The following CSMD1 variants were observed in gnomAD, a reference collection of about 807,000 sequenced individuals.
CSMD1 encodes the protein CUB and sushi domain-containing protein 1.
Under a neutral mutation model 417.5 loss-of-function variants are expected in CSMD1, and 213 were observed. The ratio of observed to expected loss-of-function variants is 0.51; its 90% CI spans 0.46 to 0.57. CSMD1 has a LOEUF of 0.57. Among genes scored for constraint, CSMD1 ranks in the 20% least tolerant of loss-of-function variants. The pLI is 0.00. For synonymous variants in CSMD1, 2,862 were observed against 1,736.8 expected, an observed-to-expected ratio of 1.65 and a Z score of -16.11; for missense variants, 6,923 against 4,529.7, an observed-to-expected ratio of 1.53 and a Z score of -15.17.
intron 1 of CSMD1, among the ~76,000 whole-genome samples, chr8:4,697,453 A>G (rs1025973234): frequency 1.2e-4 from 19 of 152,196 alleles, no homozygotes; most frequent in African/African-American, 4.6e-4. Flanking sequence ...GGCAAGTTCA[A>G]TACGTAAAAA....
At chr8:3,448,666 G>C (rs959319296) in intron 12 of CSMD1, among the ~76,000 whole-genome samples, 2 of 152,104 alleles carry the variant, frequency 1.3e-5, no homozygotes, top group African/African-American at 4.8e-5. Context: ...TGGAGGCCAA[G>C]TGGGCATGAC....
chr8:4,106,675 T>G (rs1426088770), intron 3 of CSMD1, among the ~76,000 whole-genome samples: 1 of 152,160 alleles, frequency 6.6e-6, no homozygotes, highest in Admixed American at 6.5e-5. Context: ...AGTAAAACAT[T>G]TTCTTTATTT....
chr8:3,714,991 T>C (rs965442610), intron 6 of CSMD1, among the ~76,000 whole-genome samples: 2 of 152,202 alleles, frequency 1.3e-5, no homozygotes, highest in Non-Finnish European at 2.9e-5. Context: ...TATTTTCTAA[T>C]ATTAGAATTT....
intron 1 of CSMD1, among the ~76,000 whole-genome samples, chr8:4,714,558 C>G (rs183757697): frequency 6.6e-6 from 1 of 152,100 alleles, no homozygotes; most frequent in Non-Finnish European, 1.5e-5. Flanking sequence ...AAAGAGAAGT[C>G]GGAACTTTCC....
intron 5 of CSMD1, among the ~76,000 whole-genome samples, chr8:3,918,504 T>G (rs1448703606): frequency 6.6e-6 from 1 of 152,180 alleles, no homozygotes; most frequent in Non-Finnish European, 1.5e-5. Flanking sequence ...CAGATATATC[T>G]ACTTGGGTTA....
At chr8:4,040,540 T>C (rs902999666) in intron 3 of CSMD1, among the ~76,000 whole-genome samples, 3 of 152,210 alleles carry the variant, frequency 2.0e-5, no homozygotes, top group African/African-American at 4.8e-5. Flanking sequence ...GAGGTGATGA[T>C]AAAGTGTGAT....
At chr8:3,657,087 G>A (rs902753231) in intron 7 of CSMD1, among the ~76,000 whole-genome samples, 6 of 152,074 alleles carry the variant, frequency 3.9e-5, no homozygotes, top group African/African-American at 9.7e-5. Context: ...GTCCACTACC[G>A]AGTTGCTGCA....
At chr8:3,489,235 G>A (rs1191796893) in intron 11 of CSMD1, among the ~76,000 whole-genome samples, 4 of 152,144 alleles carry the variant, frequency 2.6e-5, no homozygotes, top group Admixed American at 2.0e-4. Flanking sequence ...CAGCAAAAAT[G>A]GATTAATCCA....
chr8:4,136,578 T>A (rs2407304), intron 3 of CSMD1, among the ~76,000 whole-genome samples: 1 of 151,994 alleles, frequency 6.6e-6, no homozygotes, highest in African/African-American at 2.4e-5. Flanking sequence ...TTACAGTATT[T>A]CAGAAGATGC....
intron 5 of CSMD1, among the ~76,000 whole-genome samples, chr8:3,927,351 A>C (rs918544204): frequency 6.6e-6 from 1 of 151,982 alleles, no homozygotes; most frequent in African/African-American, 2.4e-5. Context: ...CAATGGAAAA[A>C]GGAAAGGTAT....
intron 1 of CSMD1, among the ~76,000 whole-genome samples, chr8:4,705,422 C>G (rs752771244): frequency 6.6e-6 from 1 of 152,166 alleles, no homozygotes; most frequent in African/African-American, 2.4e-5. Flanking sequence ...ACACAAAACC[C>G]TAATCCCCAG....
rs373742696 is a variant in CSMD1 at position 3,997,896 on chromosome 8, G to C, written c.818+7C>G. ...TATCCTTTGTGGCATCTCTTCCCGGGACTTACCATATGGATGGAGCTTCCG... is the reference window on the plus strand; with the variant it reads ...TATCCTTTGTGGCATCTCTTCCCGGCACTTACCATATGGATGGAGCTTCCG... On this transcript the variant is annotated splice_region_variant and intron_variant, in intron 5 of 69. Coordinates refer to ENST00000635120, the MANE Select transcript of CSMD1 (RefSeq NM_033225.6). 1 of 1,609,624 alleles carries C rather than the reference G, an allele frequency of 6.2e-7. No homozygotes were observed. Among genetic ancestry groups the C allele is most frequent in the Non-Finnish European group, 8.5e-7 (1 of 1,177,672 alleles).
rs1466010083 is a variant in CSMD1, at chr8:4,025,766, C to A, written c.610+6139G>T. Among the ~76,000 whole-genome samples, 5 of 152,070 alleles carry A rather than the reference C, an allele frequency of 3.3e-5. No individual in the cohort carries two copies. The East Asian group carries it at 9.6e-4, about 29-fold the overall frequency. On this transcript the variant is annotated intron_variant, in intron 4 of 69. Transcript: ENST00000635120. ...TTAATGTCAATGTGATGTTTGTTCC[C>A]TGTTTAAGGGACACAGTTTTAAGCA...
chr8:3,087,332 A>C (rs745367327), intron 48 of CSMD1, 47 bp from the exon 49 acceptor site: 2 of 1,582,490 alleles, frequency 1.3e-6, no homozygotes, highest in Non-Finnish European at 1.7e-6. Flanking sequence ...AAGCAAACAA[A>C]TGGCCAGTGC....
At chr8:3,181,686 T>A (rs886731117) in intron 36 of CSMD1, among the ~76,000 whole-genome samples, 1 of 152,192 alleles carries the variant, frequency 6.6e-6, no homozygotes, top group Admixed American at 6.5e-5. Context: ...CCTATGTGAC[T>A]CATGCTTAGT....
Position 2,993,676 on chromosome 8 carries a change from T to C in CSMD1, c.8377+4335A>G, listed in dbSNP as rs181125036. On this transcript the variant is annotated intron_variant, in intron 54 of 69. Transcript: ENST00000635120. Reference sequence around the variant, plus strand: ...ATAGATCTAATCCTCTAGTGTAAAATACAAAGGGAAGCTCTTGGTTTTGTT... The same window carrying C: ...ATAGATCTAATCCTCTAGTGTAAAACACAAAGGGAAGCTCTTGGTTTTGTT... Among the ~76,000 whole-genome samples the C allele has an allele frequency of 2.0e-5, 3 of 152,166 alleles. No homozygotes were observed. In the East Asian group the frequency reaches 5.8e-4, roughly 29 times the overall value.
intron 5 of CSMD1, among the ~76,000 whole-genome samples, chr8:3,958,680 G>A (rs1326127826): frequency 6.6e-6 from 1 of 152,098 alleles, no homozygotes. Context: ...GTCAAAGAGG[G>A]AAATGGATCA....
At chr8:3,953,428 C>G (rs1412660451) in intron 5 of CSMD1, among the ~76,000 whole-genome samples, 1 of 152,082 alleles carries the variant, frequency 6.6e-6, no homozygotes, top group African/African-American at 2.4e-5. Context: ...AATGTTTCTA[C>G]TCAAAAATTA....
At chr8:3,208,873 C>T (rs947690571) in intron 30 of CSMD1, among the ~76,000 whole-genome samples, 3 of 152,136 alleles carry the variant, frequency 2.0e-5, no homozygotes, top group Admixed American at 6.5e-5. Context: ...TTTTGGGACT[C>T]GGAATGGCTC....
Sources: gnomAD v4.1 joint callset for allele counts (sites outside exome capture counted in the v4.1 genomes callset) on GRCh38, gnomAD v4.1.1 for gene constraint, MANE v1.5 for transcripts, NCBI Gene and HGNC (gene_info 2026-07-23, HGNC 2026-07-21) for gene names.